The following PDZD8 variants were observed in gnomAD, a reference collection of about 807,000 sequenced individuals.
PDZD8 encodes the protein PDZ domain containing 8, also known as PDZ domain-containing protein 8.
PDZD8 carries 14 observed loss-of-function variants against 85.8 expected under a neutral mutation model. That is an observed-to-expected ratio of 0.16 (90% CI 0.11 to 0.26). The LOEUF (loss-of-function observed/expected upper bound fraction) is 0.26. Among genes scored for constraint, PDZD8 ranks in the 10% least tolerant of loss-of-function variants. The pLI, the probability that PDZD8 is intolerant of heterozygous loss-of-function variation, is 1.00. For missense variants in PDZD8, 1,197 were observed against 1,424.3 expected (o/e 0.84, Z 2.57); for synonymous variants, 592 against 568.6 (o/e 1.04, Z -0.59).
intron 3 of PDZD8, among the ~76,000 whole-genome samples, chr10:117,290,864 CTTTTTTTTT>C (rs145614241): frequency 6.5e-5 from 8 of 123,566 alleles, no homozygotes; most frequent in African/African-American, 2.7e-4. Flanking sequence ...ATGGTGTATC[CTTTTTTTTT>C]TTTTTTTTTT....
chr10:117,365,230 AT>A (rs1424105860), intron 1 of PDZD8, among the ~76,000 whole-genome samples: 1 of 152,178 alleles, frequency 6.6e-6, no homozygotes, highest in Non-Finnish European at 1.5e-5. Flanking sequence ...AAACTGAAAA[AT>A]TAACAAGGAA....
At chr10:117,358,451 T>C (rs1844939017) in intron 1 of PDZD8, among the ~76,000 whole-genome samples, 1 of 151,914 alleles carries the variant, frequency 6.6e-6, no homozygotes, top group African/African-American at 2.4e-5. Context: ...CATCTTTCTT[T>C]CCCCCTCATC....
intron 3 of PDZD8, among the ~76,000 whole-genome samples, chr10:117,298,381 G>T (rs1843790500): frequency 6.6e-6 from 1 of 151,952 alleles, no homozygotes; most frequent in Non-Finnish European, 1.5e-5. Context: ...CGTTTTGGGG[G>T]TTACCTTTTT....
At chr10:117,364,714 G>C (rs1349997782) in intron 1 of PDZD8, among the ~76,000 whole-genome samples, 1 of 152,148 alleles carries the variant, frequency 6.6e-6, no homozygotes, top group Admixed American at 6.6e-5. Context: ...GGCATGAACA[G>C]ATTAAGTGAG....
chr10:117,291,265 T>C (rs191772675), intron 3 of PDZD8, among the ~76,000 whole-genome samples: 2 of 151,880 alleles, frequency 1.3e-5, no homozygotes, highest in Admixed American at 6.5e-5. Flanking sequence ...GGCACAGTGG[T>C]TCACGCCTGT....
intron 1 of PDZD8, among the ~76,000 whole-genome samples, chr10:117,354,354 T>C (rs1335146015): frequency 2.0e-5 from 3 of 152,224 alleles, no homozygotes; most frequent in Non-Finnish European, 4.4e-5. Flanking sequence ...TCGTGGCTTG[T>C]TATAAGCACA....
rs1565016697 is a variant in PDZD8 at position 117,285,474 on chromosome 10, G to A, written c.1262-3C>T. On this transcript the variant is annotated splice_polypyrimidine_tract_variant and splice_region_variant and intron_variant, in intron 4 of 4. Coordinates refer to ENST00000334464, the MANE Select transcript of PDZD8 (RefSeq NM_173791.5). ...CAGTGTTGATGTGATTTTCACACCT[G>A]GTTTAAGATTTTAAAAGGGAAAACA... The A allele has an allele frequency of 1.9e-6, 3 of 1,551,074 alleles. No homozygotes were observed. The highest frequency in any genetic ancestry group is 2.0e-5 in the Admixed American group (1 of 49,714).
At chr10:117,370,943 TG>T (rs1845179106) in intron 1 of PDZD8, among the ~76,000 whole-genome samples, 1 of 151,942 alleles carries the variant, frequency 6.6e-6, no homozygotes. Context: ...TGTGTGTGTG[TG>T]TGTGTGTGTT....
chr10:117,371,693 G>C (rs1845196297), intron 1 of PDZD8, among the ~76,000 whole-genome samples: 1 of 152,152 alleles, frequency 6.6e-6, no homozygotes, highest in South Asian at 2.1e-4. Context: ...CCAGCACTTT[G>C]GGAGGCTGAG....
chr10:117,332,179 C>T (rs1286777483), intron 2 of PDZD8, among the ~76,000 whole-genome samples: 2 of 152,024 alleles, frequency 1.3e-5, no homozygotes, highest in Non-Finnish European at 1.5e-5. Flanking sequence ...GCAACAATTC[C>T]AAGTAATTCC....
chr10:117,371,938 T>G (rs1270623302), intron 1 of PDZD8, among the ~76,000 whole-genome samples: 1 of 152,162 alleles, frequency 6.6e-6, no homozygotes, highest in African/African-American at 2.4e-5. Context: ...AACAAAATCC[T>G]GTCTCAACAA....
At chr10:117,336,462 C>T (rs1039831944) in intron 2 of PDZD8, among the ~76,000 whole-genome samples, 2 of 152,096 alleles carry the variant, frequency 1.3e-5, no homozygotes, top group Non-Finnish European at 2.9e-5. Flanking sequence ...ATTAATAATA[C>T]CATCCTTTAC....
At chr10:117,295,365 C>T (rs554740244) in intron 3 of PDZD8, among the ~76,000 whole-genome samples, 2 of 152,266 alleles carry the variant, frequency 1.3e-5, no homozygotes, top group South Asian at 4.1e-4. Flanking sequence ...CACAGGCAAC[C>T]TCAACATCAT....
chr10:117,344,677 A>G (rs966756955), intron 1 of PDZD8, among the ~76,000 whole-genome samples: 2 of 152,100 alleles, frequency 1.3e-5, no homozygotes, highest in South Asian at 4.2e-4. Context: ...GTGAGCCACC[A>G]CGCCCGGCCA....
intron 1 of PDZD8, among the ~76,000 whole-genome samples, chr10:117,373,575 C>T (rs1044881969): frequency 8.0e-6 from 1 of 125,344 alleles, no homozygotes; most frequent in East Asian, 2.3e-4. Context: ...CTGGCCAATA[C>T]GGTGAAACTC....
At chr10:117,308,019 A>C (rs1346290791) in intron 3 of PDZD8, among the ~76,000 whole-genome samples, 1 of 152,132 alleles carries the variant, frequency 6.6e-6, no homozygotes, top group African/African-American at 2.4e-5. Flanking sequence ...AAATGCTTTA[A>C]AACTTTCTGT....
intron 3 of PDZD8, among the ~76,000 whole-genome samples, chr10:117,305,465 C>CAT: frequency 9.9e-6 from 1 of 101,008 alleles, no homozygotes; most frequent in Non-Finnish European, 2.0e-5. Context: ...CATATATACA[C>CAT]ACACATACAC....
chr10:117,326,012 C>A (rs1844310377), intron 2 of PDZD8, among the ~76,000 whole-genome samples: 1 of 152,150 alleles, frequency 6.6e-6, no homozygotes, highest in South Asian at 2.1e-4. Context: ...CCTGCTCGCA[C>A]TCAATCTCTC....
chr10:117,358,044 G>C (rs1265937028), intron 1 of PDZD8, among the ~76,000 whole-genome samples: 1 of 152,034 alleles, frequency 6.6e-6, no homozygotes, highest in African/African-American at 2.4e-5. Context: ...TTAAAGATGA[G>C]TGACAGATCA....
Sources: gnomAD v4.1 joint callset for allele counts (sites outside exome capture counted in the v4.1 genomes callset) on GRCh38, gnomAD v4.1.1 for gene constraint, MANE v1.5 for transcripts, NCBI Gene and HGNC (gene_info 2026-07-23, HGNC 2026-07-21) for gene names.